The following GAPDHS variants were observed in gnomAD, a reference collection of about 807,000 sequenced individuals.
GAPDHS encodes glyceraldehyde-3-phosphate dehydrogenase, testis-specific.
In GAPDHS, 42 loss-of-function variants were observed where a neutral mutation model predicts 48.7. The observed-to-expected ratio is 0.86, with a 90% confidence interval of 0.67 to 1.12. The LOEUF (loss-of-function observed/expected upper bound fraction) is 1.12, where lower values mean the gene tolerates loss of function less well. Among genes scored for constraint, GAPDHS ranks in the 50% most tolerant of loss-of-function variants. The pLI is 0.00. For missense variants in GAPDHS, 512 were observed against 557.7 expected (o/e 0.92, Z 0.82); for synonymous variants, 166 against 219.1 (o/e 0.76, Z 2.14).
chr19:35,542,563 G>T lies in GAPDHS; in HGVS notation c.614G>T (p.Gly205Val). 6.2e-7 allele frequency: 1 copy of T among 1,613,816 alleles called. No homozygotes were observed. Among genetic ancestry groups the T allele is most frequent in the Non-Finnish European group, 8.5e-7 (1 of 1,179,754 alleles). ...PSPDAPMFVMGVNENDYNPGS... is the reference protein window; with the variant it reads ...PSPDAPMFVMVVNENDYNPGS... Reference sequence around the variant, plus strand: ...CCGGATGCACCAATGTTCGTCATGGGTGTCAATGAAAATGACTATAACCCT... The same window carrying T: ...CCGGATGCACCAATGTTCGTCATGGTTGTCAATGAAAATGACTATAACCCT... Residue 205 changes from glycine (G) to valine (V), a missense_variant, in exon 6 of 11, where the codon GGT becomes GTT. By Grantham distance (109) the Gly-to-Val change is moderately radical. Coordinates refer to ENST00000222286, the MANE Select transcript of GAPDHS (RefSeq NM_014364.5).
At chr19:35,539,598 C>A (rs978670038) in intron 4 of GAPDHS, among the ~76,000 whole-genome samples, 1 of 151,992 alleles carries the variant, frequency 6.6e-6, no homozygotes, top group East Asian at 1.9e-4. Flanking sequence ...CACTAGTGAA[C>A]CCTGTCTGGG....
At position 35,542,984 on chromosome 19, in the gene GAPDHS, C is replaced by T. The variant is rs1036645007; in HGVS notation, c.699C>T (p.Ala233=). ...SCTTNCLAPL[A]KVIHERFGIV... ...CCACCAACTGTTTGGCTCCCCTCGC[C>T]AAAGTCATCCACGAGCGATTTGGGA... Residue 233 remains alanine (A), a synonymous_variant, in exon 7 of 11, where the codon GCC becomes GCT. Transcript: ENST00000222286. 1 of 1,614,074 alleles carries T rather than the reference C, an allele frequency of 6.2e-7. No homozygotes were observed. Among genetic ancestry groups the T allele is most frequent in the Non-Finnish European group, 8.5e-7 (1 of 1,179,928 alleles).
At chr19:35,539,118 A>G (rs771187247) in intron 4 of GAPDHS, among the ~76,000 whole-genome samples, 115 of 152,208 alleles carry the variant, frequency 7.6e-4, no homozygotes, top group Non-Finnish European at 1.4e-3. Flanking sequence ...GCTGGTCTCA[A>G]ACTCCTGGCC....
Position 35,533,464 on chromosome 19 carries a change from C to A in GAPDHS, c.-64C>A, listed in dbSNP as rs2071444526. Reference sequence around the variant, plus strand: ...ATTAGCCCAGGACCCACAGCCCTGGCGCTCCGCACGCACCTCGGTAACATC... The same window carrying A: ...ATTAGCCCAGGACCCACAGCCCTGGAGCTCCGCACGCACCTCGGTAACATC... On this transcript the variant is annotated 5_prime_UTR_variant, in exon 1 of 11. Transcript: ENST00000222286. The A allele has an allele frequency of 2.8e-6, 4 of 1,429,332 alleles. No individual in the cohort carries two copies. Among genetic ancestry groups the A allele is most frequent in the East Asian group, 2.3e-5 (1 of 43,976 alleles). 88.5% of individuals were successfully genotyped at this position (1,429,332 alleles called of 1,614,324 possible).
At chr19:35,542,430 C>A in intron 5 of GAPDHS, 21 bp downstream of exon 5, 1 of 1,604,944 alleles carries the variant, frequency 6.2e-7, no homozygotes, top group Non-Finnish European at 8.5e-7. Flanking sequence ...GAGAGGTGCC[C>A]AGGGCTAGCT....
chr19:35,543,888 T>G, intron 9 of GAPDHS, 61 bp downstream of exon 9: 1 of 1,488,586 alleles, frequency 6.7e-7, no homozygotes, highest in Non-Finnish European at 8.9e-7. Flanking sequence ...TGATTTCCAC[T>G]TGCCAGGGAG....
chr19:35,533,973 G>C (rs942764571), intron 1 of GAPDHS, among the ~76,000 whole-genome samples: 7 of 152,178 alleles, frequency 4.6e-5, no homozygotes, highest in African/African-American at 7.2e-5. Context: ...ATGGCGCTTC[G>C]CGTGAGGTGA....
chr19:35,537,312 A>C (rs551020472), intron 2 of GAPDHS, among the ~76,000 whole-genome samples: 18 of 152,250 alleles, frequency 1.2e-4, no homozygotes, highest in Non-Finnish European at 2.2e-4. Flanking sequence ...TTGGAGCGGG[A>C]CCAGAGTGAT....
intron 4 of GAPDHS, chr19:35,540,997 T>C (rs2071498301): frequency 6.6e-6 from 1 of 151,760 alleles, no homozygotes. Flanking sequence ...AATAAAAAAC[T>C]AGCCAGGTGT....
chr19:35,537,134 C>T (rs2071471410), intron 2 of GAPDHS, 144 bp downstream of exon 2: 8 of 641,122 alleles, frequency 1.2e-5, no homozygotes, highest in Non-Finnish European at 1.3e-5. Context: ...GCAAGGCAGA[C>T]AGGGCCCCAT....
Position 35,542,500 on chromosome 19 carries a change from C to T in GAPDHS, c.551C>T (p.Ser184Phe). The T allele has an allele frequency of 6.2e-7, 1 of 1,613,362 alleles. No individual in the cohort carries two copies. Among genetic ancestry groups the T allele is most frequent in the Non-Finnish European group, 8.5e-7 (1 of 1,179,328 alleles). ...LSIQAASDHI[S>F]AGAQRVVISA... ...GCGCTTCCTCCCCAGGACCACATCT[C>T]TGCAGGTGCTCAACGTGTGGTCATC... The change falls in exon 6 of 11, where the codon TCT (serine) becomes TTT (phenylalanine). Residue 184 changes from serine to phenylalanine, a missense_variant. Coordinates refer to ENST00000222286, the MANE Select transcript of GAPDHS (RefSeq NM_014364.5).
At chr19:35,540,535 A>AGAC (rs1337450108) in intron 4 of GAPDHS, among the ~76,000 whole-genome samples, 2 of 150,476 alleles carry the variant, frequency 1.3e-5, no homozygotes, top group Non-Finnish European at 1.5e-5. Context: ...ACAGAGCAGG[A>AGAC]GACAGGAAGA....
chr19:35,544,971 T>G lies in GAPDHS; in HGVS notation c.1119T>G (p.Ile373Met). ...HSSIFDAKAG[I>M]ALNDNFVKLI... ...CCATCTTCGATGCTAAGGCCGGCAT[T>G]GCGCTCAATGACAATTTCGTGAAGC... The change falls in exon 10 of 11, where the codon ATT (isoleucine) becomes ATG (methionine). Residue 373 changes from isoleucine (I) to methionine (M), a missense_variant. Ile to Met is a conservative substitution (Grantham distance 10). Coordinates refer to ENST00000222286, the MANE Select transcript of GAPDHS (RefSeq NM_014364.5). The G allele has an allele frequency of 6.2e-7, 1 of 1,613,928 alleles. No individual in the cohort carries two copies. The highest frequency in any genetic ancestry group is 1.3e-5 in the African/African-American group (1 of 75,064).
At position 35,538,572 on chromosome 19, in the gene GAPDHS, C is replaced by T. The variant is rs1383972925; in HGVS notation, c.343-5C>T. The stretch of plus-strand genomic sequence containing the variant: ...CAAGACTAGGAGCCATTCCATCCCC[C>T]ACAGGTGTACATGTTTAAGTATGAC... On this transcript the variant is annotated splice_polypyrimidine_tract_variant and splice_region_variant and intron_variant, in intron 3 of 10. Transcript: ENST00000222286. The T allele has an allele frequency of 1.3e-6, 2 of 1,569,786 alleles. No homozygotes were observed.
chr19:35,542,354 G>A lies in GAPDHS; in HGVS notation c.485G>A (p.Gly162Glu). 6.2e-7 allele frequency: 1 copy of A among 1,613,086 alleles called. No homozygotes were observed. Residue 162 changes from glycine to glutamate, a missense_variant, in exon 5 of 11, where the codon GGG becomes GAG. Transcript: ENST00000222286. ...EPKQIPWRAV[G>E]SPYVVESTGV... ...AAACAGATCCCCTGGAGGGCTGTCG[G>A]GAGCCCCTACGTGGTGGAGTCCACA... is the stretch of plus-strand genomic sequence containing the variant.
At chr19:35,538,950 T>C (rs12984928) in intron 4 of GAPDHS, among the ~76,000 whole-genome samples, 92,436 of 152,008 alleles carry the variant, frequency 0.61, 28,444 homozygotes, top group East Asian at 0.75. Context: ...GTATCACTCT[T>C]TTGCCCAGTC....
chr19:35,533,517 T>C lies in GAPDHS; in HGVS notation c.-11T>C, dbSNP rs2071444918. 6.2e-7 allele frequency: 1 copy of C among 1,612,792 alleles called. No homozygotes were observed. Among genetic ancestry groups the C allele is most frequent in the Non-Finnish European group, 8.5e-7 (1 of 1,179,066 alleles). ...AGCAGGTCCAGGCCAATGATAACCT[T>C]ATAAGAGGCCATGTCGAAGCGCGAC... is the stretch of plus-strand genomic sequence containing the variant. On this transcript the variant is annotated 5_prime_UTR_variant, in exon 1 of 11. Transcript: ENST00000222286.
intron 2 of GAPDHS, among the ~76,000 whole-genome samples, chr19:35,537,206 AGT>A (rs1475848507): frequency 1.3e-5 from 2 of 152,146 alleles, no homozygotes; most frequent in Non-Finnish European, 2.9e-5. Context: ...TGTTCAGTAG[AGT>A]GTGCTGGGAA....
rs767938288 is a variant in GAPDHS at position 35,544,929 on chromosome 19, C to T, written c.1077C>T (p.Leu359=). ...TCCAGGTCGTCTCTACGGACTTCCTCGGTGATACCCACTCGTCCATCTTCG... is the reference window on the plus strand; with the variant it reads ...TCCAGGTCGTCTCTACGGACTTCCTTGGTGATACCCACTCGTCCATCTTCG... ...TEDEVVSTDF[L]GDTHSSIFDA... is the part of the protein sequence containing the mutation. Residue 359 remains leucine (L), a synonymous_variant, in exon 10 of 11, where the codon CTC becomes CTT. Transcript: ENST00000222286. 10 of 1,612,638 alleles carry T rather than the reference C, an allele frequency of 6.2e-6. No homozygotes were observed. The highest frequency in any genetic ancestry group is 7.6e-6 in the Non-Finnish European group (9 of 1,178,592).
Sources: allele counts gnomAD v4.1 joint callset (sites outside exome capture counted in the v4.1 genomes callset), GRCh38; gene constraint gnomAD v4.1.1; transcripts MANE v1.5; gene names NCBI Gene and HGNC (gene_info 2026-07-23, HGNC 2026-07-21).